CCDC141: variants seen among roughly 807,000 people sequenced by gnomAD.
CCDC141 encodes the protein coiled-coil domain containing 141.
A neutral mutation model predicts 181.0 loss-of-function variants in CCDC141; 168 were observed. The ratio of observed to expected loss-of-function variants is 0.93; its 90% CI spans 0.82 to 1.05. The LOEUF is 1.05. CCDC141 is among the 50% of genes least tolerant of loss of function. The probability of loss-of-function intolerance (pLI) is 0.00; values close to 1 mark genes in which losing one functional copy is unlikely to be tolerated. For synonymous variants in CCDC141, 666 were observed against 642.3 expected (o/e 1.04, Z -0.56); for missense variants, 1,902 against 1,788.5 (o/e 1.06, Z -1.14).
intron 4 of CCDC141, among the ~76,000 whole-genome samples, chr2:178,963,254 A>C (rs1229229640): frequency 6.6e-6 from 1 of 152,338 alleles, no homozygotes; most frequent in South Asian, 2.1e-4. Flanking sequence ...ACAGAAGCCA[A>C]GTTACCAGGT....
intron 22 of CCDC141, among the ~76,000 whole-genome samples, chr2:178,842,238 T>C (rs1415373695): frequency 1.3e-5 from 2 of 152,204 alleles, no homozygotes; most frequent in East Asian, 1.9e-4. Context: ...CTGCTTTTCT[T>C]ATATCAAATT....
chr2:178,859,780 A>G (rs1373815241), intron 17 of CCDC141, among the ~76,000 whole-genome samples: 1 of 152,210 alleles, frequency 6.6e-6, no homozygotes, highest in African/African-American at 2.4e-5. Flanking sequence ...CATCTTTGCC[A>G]AATTTTCCAG....
At chr2:179,007,733 T>A (rs151259162) in intron 2 of CCDC141, among the ~76,000 whole-genome samples, 175 of 152,340 alleles carry the variant, frequency 1.1e-3, no homozygotes, top group African/African-American at 3.9e-3. Context: ...ATCTCTTCTT[T>A]TACCAAGCAA....
chr2:178,856,993 G>A (rs1387800068), intron 17 of CCDC141, among the ~76,000 whole-genome samples: 1 of 152,128 alleles, frequency 6.6e-6, no homozygotes, highest in Admixed American at 6.5e-5. Flanking sequence ...TTTTCGATTT[G>A]TAATTTTTAA....
At chr2:178,962,565 A>G (rs1030339848) in intron 4 of CCDC141, among the ~76,000 whole-genome samples, 1 of 151,718 alleles carries the variant, frequency 6.6e-6, no homozygotes. Flanking sequence ...GATCTTTTCT[A>G]AACATAGCAT....
At chr2:178,923,610 C>A (rs201377405) in intron 6 of CCDC141, among the ~76,000 whole-genome samples, 4,507 of 152,232 alleles carry the variant, frequency 0.03, 140 homozygotes, top group East Asian at 0.13. Context: ...ATTTCCAGTA[C>A]TTGTCCCCAC....
At position 178,887,720 on chromosome 2, in the gene CCDC141, G is replaced by A. The variant is rs527642331; in HGVS notation, c.1407+807C>T. 3.3e-5 allele frequency among the ~76,000 whole-genome samples: 5 copies of A among 152,266 alleles called. No homozygotes were observed. In the East Asian group the frequency reaches 7.7e-4, roughly 24 times the overall value. ...CAGGTGAGGAAGCAATTTAAATACA[G>A]ACATTGATATTTAATGCCTTCTCCA... is the stretch of plus-strand genomic sequence containing the variant. On this transcript the variant is annotated intron_variant, in intron 9 of 23. Transcript: ENST00000443758.
At chr2:178,849,674 C>T (rs1181141938) in intron 21 of CCDC141, among the ~76,000 whole-genome samples, 2 of 151,956 alleles carry the variant, frequency 1.3e-5, no homozygotes, top group African/African-American at 4.8e-5. Flanking sequence ...TTCTCTGGTG[C>T]CACAATTTGG....
At position 178,965,580 on chromosome 2, in the gene CCDC141, G is replaced by A. The variant is rs533474339; in HGVS notation, c.527-4097C>T. ...CGTGAGGGACAGCCTGAGGAACTCC[G>A]GCACAGATACTGTGCTTGTCCCATG... is the stretch of plus-strand genomic sequence containing the variant. On this transcript the variant is annotated intron_variant, in intron 4 of 23. Coordinates refer to ENST00000443758, the MANE Select transcript of CCDC141 (RefSeq NM_173648.4). Among the ~76,000 whole-genome samples, 28 of 152,262 alleles carry A rather than the reference G, an allele frequency of 1.8e-4. No individual in the cohort carries two copies. The South Asian group carries it at 3.5e-3, about 19-fold the overall frequency.
intron 5 of CCDC141, among the ~76,000 whole-genome samples, chr2:178,956,048 T>G (rs187379565): frequency 6.6e-6 from 1 of 152,278 alleles, no homozygotes; most frequent in African/African-American, 2.4e-5. Flanking sequence ...AAGATAGTAG[T>G]TGGTATTATT....
In CCDC141 at chr2:178,872,168, G is replaced by A. The variant is rs1686147174; in HGVS notation, c.2044C>T (p.Gln682Ter). 1 of 1,613,892 alleles carries A rather than the reference G, an allele frequency of 6.2e-7. No homozygotes were observed. The highest frequency in any genetic ancestry group is 8.5e-7 in the Non-Finnish European group (1 of 1,179,892). The change falls in exon 13 of 24, where the codon CAG (glutamine) becomes TAG (stop). Residue 682 changes from glutamine to a stop codon, truncating the protein, a stop_gained. Coordinates refer to ENST00000443758, the MANE Select transcript of CCDC141 (RefSeq NM_173648.4). LOFTEE classifies it high-confidence loss of function. ...LKATESKPGK[Q>*]QWAAFKEQLK... The stretch of plus-strand genomic sequence containing the variant: ...TGCTCTTTGAATGCCGCCCACTGCT[G>A]TTTTCCAGGCTTGCTTTCCGTGGCT...
At chr2:178,938,539 C>T (rs946928384) in intron 6 of CCDC141, among the ~76,000 whole-genome samples, 1 of 151,902 alleles carries the variant, frequency 6.6e-6, no homozygotes, top group African/African-American at 2.4e-5. Context: ...AGAGTATGTG[C>T]CATGTGGTGA....
At chr2:178,890,904 T>A (rs1180381162) in intron 8 of CCDC141, among the ~76,000 whole-genome samples, 1 of 152,158 alleles carries the variant, frequency 6.6e-6, no homozygotes, top group East Asian at 1.9e-4. Context: ...GTTAAGTGCA[T>A]TAGATGCATT....
At chr2:178,965,723 CTT>C (rs952132388) in intron 4 of CCDC141, among the ~76,000 whole-genome samples, 38 of 152,152 alleles carry the variant, frequency 2.5e-4, no homozygotes, top group African/African-American at 8.9e-4. Context: ...TGCAGGGATT[CTT>C]TTTTTCCACA....
At chr2:178,928,163 C>T (rs1046437870) in intron 6 of CCDC141, among the ~76,000 whole-genome samples, 1 of 152,124 alleles carries the variant, frequency 6.6e-6, no homozygotes, top group Non-Finnish European at 1.5e-5. Flanking sequence ...TGGTGGTCCA[C>T]GCTGAGTAGC....
chr2:178,997,290 C>T (rs535056885), intron 2 of CCDC141, among the ~76,000 whole-genome samples: 1 of 152,134 alleles, frequency 6.6e-6, no homozygotes, highest in Non-Finnish European at 1.5e-5. Flanking sequence ...CCTTCTGAAT[C>T]TGGTGATTGC....
At chr2:179,046,008 C>T (rs1205567169) in intron 2 of CCDC141, among the ~76,000 whole-genome samples, 1 of 152,076 alleles carries the variant, frequency 6.6e-6, no homozygotes, top group Non-Finnish European at 1.5e-5. Context: ...TTACTTTTAC[C>T]ACTGTCCAAG....
intron 11 of CCDC141, 44 bp from the exon 12 acceptor site, chr2:178,878,187 T>C: frequency 7.2e-7 from 1 of 1,397,900 alleles, no homozygotes; most frequent in East Asian, 2.4e-5. Context: ...AACACATTTT[T>C]TTAAAGAAAA....
intron 1 of CCDC141, among the ~76,000 whole-genome samples, chr2:179,048,178 A>G (rs993463905): frequency 6.6e-6 from 1 of 152,250 alleles, no homozygotes; most frequent in South Asian, 2.1e-4. Flanking sequence ...ATACGCATGT[A>G]GATACCTGAA....
Sources: gnomAD v4.1 joint callset for allele counts (sites outside exome capture counted in the v4.1 genomes callset) on GRCh38, gnomAD v4.1.1 for gene constraint, MANE v1.5 for transcripts, NCBI Gene and HGNC (gene_info 2026-07-23, HGNC 2026-07-21) for gene names.